Variants in ALK observed in about 807,000 individuals in gnomAD.
ALK encodes the protein ALK tyrosine kinase receptor.
A neutral mutation model predicts 163.1 loss-of-function variants in ALK; 74 were observed. The ratio of observed to expected loss-of-function variants is 0.45; its 90% CI spans 0.38 to 0.55. The LOEUF (loss-of-function observed/expected upper bound fraction) is 0.55, where lower values mean the gene tolerates loss of function less well. Ranked by LOEUF, ALK falls within the 20% of genes least tolerant of loss-of-function variation. The pLI is 0.00. For synonymous variants in ALK, 960 were observed against 843.2 expected, an observed-to-expected ratio of 1.14 and a Z score of -2.40; for missense variants, 2,063 against 2,105.3, an observed-to-expected ratio of 0.98 and a Z score of 0.39.
intron 1 of ALK, among the ~76,000 whole-genome samples, chr2:29,824,910 G>A (rs1665155487): frequency 6.6e-6 from 1 of 152,190 alleles, no homozygotes; most frequent in Non-Finnish European, 1.5e-5. Flanking sequence ...GAAGTGGAAT[G>A]ATATGGTTTG....
intron 4 of ALK, among the ~76,000 whole-genome samples, chr2:29,511,076 C>G (rs1207706569): frequency 6.6e-6 from 1 of 152,122 alleles, no homozygotes; most frequent in African/African-American, 2.4e-5. Flanking sequence ...TAATTTTACT[C>G]TCACCTCTTT....
intron 3 of ALK, among the ~76,000 whole-genome samples, chr2:29,594,952 T>C (rs1310035250): frequency 6.8e-6 from 1 of 146,222 alleles, no homozygotes; most frequent in African/African-American, 2.5e-5. Context: ...CTGATAAAAA[T>C]GCAAAAGGAA....
At chr2:29,774,208 C>T (rs75793692) in intron 1 of ALK, among the ~76,000 whole-genome samples, 3 of 152,180 alleles carry the variant, frequency 2.0e-5, no homozygotes, top group African/African-American at 4.8e-5. Context: ...TTCTCTCCCC[C>T]CTGTTGCTTT....
intron 1 of ALK, among the ~76,000 whole-genome samples, chr2:29,732,990 G>A (rs1239064229): frequency 6.6e-6 from 1 of 151,962 alleles, no homozygotes; most frequent in Non-Finnish European, 1.5e-5. Context: ...ATTGATATAA[G>A]TGGAGTGAAT....
intron 1 of ALK, among the ~76,000 whole-genome samples, chr2:29,815,482 G>A (rs1437436191): frequency 6.6e-6 from 1 of 152,070 alleles, no homozygotes; most frequent in Non-Finnish European, 1.5e-5. Flanking sequence ...GAGGCACTGG[G>A]ACTCTGCGCC....
chr2:29,732,918 C>A (rs1285793453), intron 1 of ALK, among the ~76,000 whole-genome samples: 1 of 148,892 alleles, frequency 6.7e-6, no homozygotes, highest in African/African-American at 2.5e-5. Context: ...TTTTTTTAAG[C>A]AGCCTGAATA....
At chr2:29,674,432 T>C (rs1677809233) in intron 3 of ALK, among the ~76,000 whole-genome samples, 1 of 151,008 alleles carries the variant, frequency 6.6e-6, no homozygotes, top group African/African-American at 2.4e-5. Flanking sequence ...ATTGAGATAA[T>C]CATGTGGTTT....
chr2:29,492,691 A>T (rs1307214343), intron 4 of ALK, among the ~76,000 whole-genome samples: 2 of 152,194 alleles, frequency 1.3e-5, no homozygotes, highest in African/African-American at 4.8e-5. Flanking sequence ...ATTCTTAAAG[A>T]TGATTTTTGA....
intron 5 of ALK, among the ~76,000 whole-genome samples, chr2:29,364,803 T>G (rs1320061287): frequency 6.6e-6 from 1 of 152,204 alleles, no homozygotes; most frequent in Non-Finnish European, 1.5e-5. Flanking sequence ...CCCATCTTTA[T>G]GATGCACATA....
intron 26 of ALK, among the ~76,000 whole-genome samples, chr2:29,201,056 T>A (rs909348721): frequency 1.1e-4 from 16 of 151,320 alleles, no homozygotes; most frequent in African/African-American, 3.6e-4. Context: ...TACATTTTTC[T>A]CCTTAATCAT....
At chr2:29,484,136 G>A (rs557008946) in intron 4 of ALK, among the ~76,000 whole-genome samples, 47 of 152,182 alleles carry the variant, frequency 3.1e-4, no homozygotes, top group African/African-American at 9.6e-4. Context: ...TGCCTCCCAC[G>A]GGATTATGGG....
At chr2:29,739,240 TAAAAAAAAAAAAAAAAAAA>T (rs57381961) in intron 1 of ALK, among the ~76,000 whole-genome samples, 1 of 40,298 alleles carries the variant, frequency 2.5e-5, no homozygotes, top group Non-Finnish European at 4.2e-5. Context: ...CAGTCTCTCT[TAAAAAAAAAAAAAAAAAAA>T]AAAAAAAAAA....
chr2:29,454,254 C>G (rs1389833766), intron 4 of ALK, among the ~76,000 whole-genome samples: 1 of 152,052 alleles, frequency 6.6e-6, no homozygotes, highest in Non-Finnish European at 1.5e-5. Flanking sequence ...GGTTCCAGGA[C>G]CCCCCTGTGG....
At chr2:29,605,165 C>T (rs963479187) in intron 3 of ALK, among the ~76,000 whole-genome samples, 1 of 152,138 alleles carries the variant, frequency 6.6e-6, no homozygotes, top group Non-Finnish European at 1.5e-5. Flanking sequence ...GGGTGGGTAG[C>T]GATTACGTTC....
At chr2:29,456,057 A>C (rs952163271) in intron 4 of ALK, among the ~76,000 whole-genome samples, 2 of 152,208 alleles carry the variant, frequency 1.3e-5, no homozygotes, top group East Asian at 1.9e-4. Context: ...ATGTCCAGAA[A>C]ATAATGAGAG....
intron 4 of ALK, among the ~76,000 whole-genome samples, chr2:29,406,559 C>G (rs1669589116): frequency 6.6e-6 from 1 of 152,114 alleles, no homozygotes; most frequent in Non-Finnish European, 1.5e-5. Context: ...CTTTGCAGAG[C>G]CTGCATGGAG....
chr2:29,568,828 A>C lies in ALK; in HGVS notation c.953-36712T>G, dbSNP rs182184885. The stretch of plus-strand genomic sequence containing the variant: ...TTGCCAGTGTTTTCTCAGTGGGACT[A>C]GGTGGAAAAACAATCGCTTGGCAGT... On this transcript the variant is annotated intron_variant, in intron 3 of 28. Transcript: ENST00000389048. 1.9e-3 allele frequency among the ~76,000 whole-genome samples: 295 copies of C among 152,318 alleles called. 2 individuals carry two copies. Among genetic ancestry groups the C allele is most frequent in the African/African-American group, 6.7e-3 (278 of 41,574 alleles).
At chr2:29,914,175 GA>G (rs1228181892) in intron 1 of ALK, among the ~76,000 whole-genome samples, 1 of 152,196 alleles carries the variant, frequency 6.6e-6, no homozygotes, top group Non-Finnish European at 1.5e-5. Flanking sequence ...TCATGGGGAG[GA>G]AGTAAATACC....
chr2:29,831,056 G>A (rs1268867568), intron 1 of ALK, among the ~76,000 whole-genome samples: 448 of 26,814 alleles, frequency 0.017, 11 homozygotes, highest in Middle Eastern at 0.042. Flanking sequence ...AAGGAGAAGA[G>A]GAAGGGGAGG....
Sources: allele counts gnomAD v4.1 joint callset (sites outside exome capture counted in the v4.1 genomes callset), GRCh38; gene constraint gnomAD v4.1.1; transcripts MANE v1.5; gene names NCBI Gene and HGNC (gene_info 2026-07-23, HGNC 2026-07-21).